Variants in FNDC3A observed in about 807,000 individuals in gnomAD.
FNDC3A encodes the protein fibronectin type-III domain-containing protein 3A.
A neutral mutation model predicts 148.9 loss-of-function variants in FNDC3A; 32 were observed. The observed-to-expected ratio is 0.21, with a 90% CI of 0.16 to 0.29. The LOEUF (loss-of-function observed/expected upper bound fraction) is 0.29, where lower values mean the gene tolerates loss of function less well. Ranked by LOEUF, FNDC3A falls within the 10% of genes least tolerant of loss-of-function variation. FNDC3A has a pLI of 1.00. For synonymous variants in FNDC3A, 472 were observed against 473.6 expected, an observed-to-expected ratio of 1.00 and a Z score of 0.04; for missense variants, 1,191 against 1,452.8, an observed-to-expected ratio of 0.82 and a Z score of 2.93.
chr13:49,191,895 T>C (rs762282367), intron 19 of FNDC3A, among the ~76,000 whole-genome samples: 21 of 152,184 alleles, frequency 1.4e-4, no homozygotes, highest in Non-Finnish European at 2.6e-4. Context: ...ATGTATTTAA[T>C]ATATAACTCC....
At chr13:49,089,915 C>G (rs959260823) in intron 3 of FNDC3A, among the ~76,000 whole-genome samples, 1 of 152,044 alleles carries the variant, frequency 6.6e-6, no homozygotes, top group Admixed American at 6.5e-5. Flanking sequence ...TCATAAATTA[C>G]GGTACAAAGA....
At chr13:49,041,377 T>C (rs146689504) in intron 2 of FNDC3A, among the ~76,000 whole-genome samples, 1 of 152,254 alleles carries the variant, frequency 6.6e-6, no homozygotes, top group Non-Finnish European at 1.5e-5. Context: ...CTATTTTGTT[T>C]ACTACTCTAT....
chr13:49,049,075 G>C (rs1875632943), intron 2 of FNDC3A, among the ~76,000 whole-genome samples: 1 of 152,096 alleles, frequency 6.6e-6, no homozygotes, highest in South Asian at 2.1e-4. Context: ...ATAATCATGT[G>C]ATTTTTGTTT....
In FNDC3A at chr13:49,094,241, C is replaced by T. The variant is rs149338327; in HGVS notation, c.175+18877C>T. On this transcript the variant is annotated intron_variant, in intron 3 of 25. Transcript: ENST00000492622. Reference sequence around the variant, plus strand: ...TATTATTAGAGTTAATAACAATAGGCGTAAAAGGTGTGTGCTTTAAACCTT... The same window carrying T: ...TATTATTAGAGTTAATAACAATAGGTGTAAAAGGTGTGTGCTTTAAACCTT... 1.2e-4 allele frequency among the ~76,000 whole-genome samples: 19 copies of T among 152,096 alleles called. No homozygotes were observed. The East Asian group carries it at 1.7e-3, about 14-fold the overall frequency.
chr13:49,203,173 A>G lies in FNDC3A; in HGVS notation c.3171A>G (p.Lys1057=). The G allele has an allele frequency of 6.2e-7, 1 of 1,601,368 alleles. No individual in the cohort carries two copies. Among genetic ancestry groups the G allele is most frequent in the African/African-American group, 1.3e-5 (1 of 74,722 alleles). The change falls in exon 25 of 26, where the codon AAA becomes AAG. Residue 1057 remains lysine, a synonymous_variant. Transcript: ENST00000492622. ...TTCCTACAGCCCCCAAAATAGAGAA[A>G]GTAAATGATCACATTTGTGAAATTA... is the stretch of plus-strand genomic sequence containing the variant. ...PAALKAPKIE[K]VNDHICEITW...
At chr13:49,049,703 CTTCTT>C (rs140886279) in intron 2 of FNDC3A, among the ~76,000 whole-genome samples, 87,474 of 150,998 alleles carry the variant, frequency 0.58, 26,830 homozygotes, top group Non-Finnish European at 0.68. Context: ...TCTCTCTTCT[CTTCTT>C]TTCTTTTCTT....
intron 2 of FNDC3A, among the ~76,000 whole-genome samples, chr13:49,058,168 C>T (rs932974090): frequency 2.0e-5 from 3 of 152,046 alleles, no homozygotes; most frequent in Admixed American, 6.6e-5. Flanking sequence ...CCGAGCTCCC[C>T]GAGTGAGCAA....
Position 49,136,491 on chromosome 13 carries a change from A to C in FNDC3A, c.650A>C (p.Glu217Ala), listed in dbSNP as rs1406022569. The change falls in exon 6 of 26, where the codon GAA becomes GCA. Residue 217 changes from glutamate (E) to alanine (A), a missense_variant. By Grantham distance (107) the Glu-to-Ala change is moderately radical. Coordinates refer to ENST00000492622, the MANE Select transcript of FNDC3A (RefSeq NM_001079673.2). ...SPQKCPSPIN[E>A]HNGLIKGQIA... The stretch of plus-strand genomic sequence containing the variant: ...CAGAAATGCCCTTCTCCCATTAATG[A>C]ACATAATGGACTTATAAAAGGACAA... 39 of 1,613,876 alleles carry C rather than the reference A, an allele frequency of 2.4e-5. No homozygotes were observed. The highest frequency in any genetic ancestry group is 3.1e-5 in the Non-Finnish European group (36 of 1,179,738).
chr13:49,148,852 T>A (rs1025864675), intron 8 of FNDC3A, among the ~76,000 whole-genome samples: 1 of 152,182 alleles, frequency 6.6e-6, no homozygotes, highest in Non-Finnish European at 1.5e-5. Flanking sequence ...TGTCTTTTCA[T>A]TTGTTTGTGT....
chr13:49,053,908 A>G (rs1160113937), intron 2 of FNDC3A, among the ~76,000 whole-genome samples: 1 of 152,232 alleles, frequency 6.6e-6, no homozygotes, highest in African/African-American at 2.4e-5. Context: ...AAAATATGTC[A>G]GAGAAACATA....
chr13:49,120,103 A>G (rs1881234820), intron 4 of FNDC3A, among the ~76,000 whole-genome samples: 1 of 152,220 alleles, frequency 6.6e-6, no homozygotes, highest in Non-Finnish European at 1.5e-5. Flanking sequence ...AGGTCAGGTT[A>G]CCCACAAAGG....
At chr13:49,070,779 A>G (rs1020099632) in intron 2 of FNDC3A, among the ~76,000 whole-genome samples, 1 of 151,274 alleles carries the variant, frequency 6.6e-6, no homozygotes, top group African/African-American at 2.4e-5. Context: ...CAGCTCCCAC[A>G]TGTGAGTGAG....
chr13:49,066,650 C>G (rs577632468), intron 2 of FNDC3A, among the ~76,000 whole-genome samples: 27 of 151,704 alleles, frequency 1.8e-4, no homozygotes, highest in African/African-American at 6.3e-4. Context: ...AAGTCAAGAT[C>G]AGAGATACTT....
rs1884528509 is a variant in FNDC3A at position 49,167,376 on chromosome 13, A to T, written c.1037+73A>T. 60 of 822,184 alleles carry T rather than the reference A, an allele frequency of 7.3e-5. No individual in the cohort carries two copies. The South Asian group carries it at 1.2e-3, about 16-fold the overall frequency. The allele number at this position is 822,184 out of a possible 1,614,324, so 50.9% of individuals were successfully genotyped here. The stretch of plus-strand genomic sequence containing the variant: ...TTTTTTTTTAAATAATTATTTTCTT[A>T]AAAATCTAGTATATAATTTAAACAT... On this transcript the variant is annotated intron_variant, in intron 9 of 25. Transcript: ENST00000492622.
intron 13 of FNDC3A, among the ~76,000 whole-genome samples, chr13:49,175,891 G>C (rs1368806034): frequency 6.6e-6 from 1 of 152,156 alleles, no homozygotes; most frequent in African/African-American, 2.4e-5. Context: ...AGTTTATTGA[G>C]AGTTTTTGGC....
At chr13:49,203,799 T>A (rs1423399200) in intron 25 of FNDC3A, among the ~76,000 whole-genome samples, 1 of 152,172 alleles carries the variant, frequency 6.6e-6, no homozygotes, top group Non-Finnish European at 1.5e-5. Context: ...GCCTATTAAA[T>A]CTGATGAACA....
At chr13:49,192,966 TTTG>T (rs1885961804) in intron 19 of FNDC3A, among the ~76,000 whole-genome samples, 2 of 152,178 alleles carry the variant, frequency 1.3e-5, no homozygotes, top group South Asian at 4.1e-4. Flanking sequence ...TTGTCATTAT[TTTG>T]TTGTTGTCGA....
intron 3 of FNDC3A, among the ~76,000 whole-genome samples, chr13:49,104,194 A>T (rs1287301838): frequency 6.6e-6 from 1 of 152,222 alleles, no homozygotes; most frequent in Non-Finnish European, 1.5e-5. Flanking sequence ...CAGTTTCAGT[A>T]GAGTGGGCTG....
intron 2 of FNDC3A, among the ~76,000 whole-genome samples, chr13:49,013,847 G>A (rs1444836401): frequency 6.7e-6 from 1 of 150,162 alleles, no homozygotes; most frequent in African/African-American, 2.5e-5. Context: ...AATATGTGGT[G>A]TTTGGTTTTT....
Sources: allele counts gnomAD v4.1 joint callset (sites outside exome capture counted in the v4.1 genomes callset), GRCh38; gene constraint gnomAD v4.1.1; transcripts MANE v1.5; gene names NCBI Gene and HGNC (gene_info 2026-07-23, HGNC 2026-07-21).